The following SMAD1 variants were observed in gnomAD, a reference collection of about 807,000 sequenced individuals.
SMAD1 encodes MAD, mothers against decapentaplegic homolog 1.
SMAD1 carries 6 observed loss-of-function variants against 41.6 expected under a neutral mutation model. The ratio of observed to expected loss-of-function variants is 0.14; its 90% confidence interval spans 0.08 to 0.28. SMAD1 has a LOEUF of 0.28. Among genes scored for constraint, SMAD1 ranks in the 10% least tolerant of loss-of-function variants. SMAD1 has a pLI of 1.00. For synonymous variants in SMAD1, 206 were observed against 203.2 expected, an observed-to-expected ratio of 1.01 and a Z score of -0.12; for missense variants, 379 against 582.6, an observed-to-expected ratio of 0.65 and a Z score of 3.60.
Position 145,482,305 on chromosome 4 carries a change from G to C in SMAD1, c.-177+267G>C, listed in dbSNP as rs1482819697. On this transcript the variant is annotated intron_variant, in intron 1 of 6. Transcript: ENST00000302085. This position sits in a 1 kb window ranked among gnomAD's most constrained non-coding sequence, Gnocchi z 4.2. ...CGTCTTCTCGCGCCCAGCCCGCCGG[G>C]CTCCCCTGGTGTCTTTGTTGGGTCT... Among the ~76,000 whole-genome samples, 1 of 151,638 alleles carries C rather than the reference G, an allele frequency of 6.6e-6. No individual in the cohort carries two copies. The highest frequency in any genetic ancestry group is 1.5e-5 in the Non-Finnish European group (1 of 67,850).
At chr4:145,502,686 T>C (rs1465782244) in intron 1 of SMAD1, among the ~76,000 whole-genome samples, 1 of 152,242 alleles carries the variant, frequency 6.6e-6, no homozygotes, top group African/African-American at 2.4e-5. Flanking sequence ...ACTACAGTTA[T>C]ATCCTTAGAG....
intron 6 of SMAD1, among the ~76,000 whole-genome samples, chr4:145,555,222 A>G (rs972005255): frequency 3.3e-5 from 5 of 152,218 alleles, no homozygotes; most frequent in Admixed American, 1.3e-4. Flanking sequence ...ATATGGGACT[A>G]CAAAGAACTA....
At chr4:145,543,487 G>A (rs969222536) in intron 4 of SMAD1, among the ~76,000 whole-genome samples, 2 of 152,140 alleles carry the variant, frequency 1.3e-5, no homozygotes, top group African/African-American at 4.8e-5. Flanking sequence ...AGAATTTCTT[G>A]CTATTTGTTT....
intron 2 of SMAD1, among the ~76,000 whole-genome samples, chr4:145,515,438 A>G (rs548580022): frequency 2.0e-5 from 3 of 152,186 alleles, no homozygotes; most frequent in African/African-American, 2.4e-5. Context: ...ATTGCTGTCT[A>G]TATGCTTAAG....
At chr4:145,488,404 T>G (rs751227748) in intron 1 of SMAD1, among the ~76,000 whole-genome samples, 13 of 152,096 alleles carry the variant, frequency 8.5e-5, no homozygotes, top group Non-Finnish European at 1.8e-4. Context: ...CTGTGGATAT[T>G]TTGCTCTACA....
intron 6 of SMAD1, 85 bp downstream of exon 6, chr4:145,554,125 A>G (rs1367870510): frequency 1.9e-5 from 23 of 1,198,772 alleles, no homozygotes; most frequent in Admixed American, 1.2e-4. Context: ...ATATGAATCT[A>G]TATCCTCTTG....
intron 5 of SMAD1, among the ~76,000 whole-genome samples, chr4:145,551,609 G>A (rs1379482471): frequency 6.6e-6 from 1 of 152,106 alleles, no homozygotes; most frequent in African/African-American, 2.4e-5. Context: ...AGATAAATAG[G>A]TAAGAAATGT....
At chr4:145,545,083 G>T (rs1376525437) in intron 4 of SMAD1, 1 of 150,864 alleles carries the variant, frequency 6.6e-6, no homozygotes, top group African/African-American at 2.4e-5. Flanking sequence ...TTAACCTTTG[G>T]TGATTTTCCT....
Position 145,514,726 on chromosome 4 carries a change from T to C in SMAD1, c.113T>C (p.Val38Ala). The C allele has an allele frequency of 6.2e-7, 1 of 1,613,858 alleles. No homozygotes were observed. Among genetic ancestry groups the C allele is most frequent in the Non-Finnish European group, 8.5e-7 (1 of 1,179,972 alleles). The stretch of plus-strand genomic sequence containing the variant: ...GCAGAGAAAGCTGTTGATGCTTTGG[T>C]GAAAAAACTGAAGAAAAAGAAAGGT... ...KWAEKAVDALVKKLKKKKGAM... is the reference protein window; with the variant it reads ...KWAEKAVDALAKKLKKKKGAM... The change falls in exon 2 of 7, where the codon GTG becomes GCG. Residue 38 changes from valine (V) to alanine (A), a missense_variant. By Grantham distance (64) the Val-to-Ala change is moderately conservative. Transcript: ENST00000302085. The surrounding 1 kb of genome is among the most constrained non-coding windows in gnomAD (Gnocchi z 4.7).
intron 2 of SMAD1, among the ~76,000 whole-genome samples, chr4:145,535,329 A>G (rs1454842623): frequency 6.6e-6 from 1 of 152,244 alleles, no homozygotes; most frequent in African/African-American, 2.4e-5. Context: ...GCATTTCCAC[A>G]TCTAGGAATT....
chr4:145,550,522 T>A (rs532516756), intron 5 of SMAD1, among the ~76,000 whole-genome samples: 331 of 152,144 alleles, frequency 2.2e-3, no homozygotes, highest in Non-Finnish European at 3.5e-3. Flanking sequence ...TGAAATAAAT[T>A]AATTAATTAA....
intron 1 of SMAD1, among the ~76,000 whole-genome samples, chr4:145,513,792 A>T (rs926316967): frequency 3.3e-5 from 5 of 152,214 alleles, no homozygotes; most frequent in Admixed American, 1.3e-4. Flanking sequence ...CTAAAATATT[A>T]CAATATCTTT....
At chr4:145,529,761 C>T (rs1731223601) in intron 2 of SMAD1, among the ~76,000 whole-genome samples, 1 of 152,156 alleles carries the variant, frequency 6.6e-6, no homozygotes. Context: ...AATTGAAGTT[C>T]AAGTTCCACA....
intron 1 of SMAD1, among the ~76,000 whole-genome samples, chr4:145,487,485 G>A (rs182479786): frequency 1.3e-5 from 2 of 152,236 alleles, no homozygotes; most frequent in African/African-American, 2.4e-5. Context: ...ATAGGGGCAT[G>A]TCCTCTTTGC....
chr4:145,539,588 A>G (rs1578811276), intron 2 of SMAD1, among the ~76,000 whole-genome samples: 1 of 152,302 alleles, frequency 6.6e-6, no homozygotes, highest in South Asian at 2.1e-4. Context: ...AATCTCAGGC[A>G]TATGTCATCA....
intron 3 of SMAD1, among the ~76,000 whole-genome samples, chr4:145,541,888 A>C (rs1265726169): frequency 1.3e-5 from 2 of 152,208 alleles, no homozygotes; most frequent in African/African-American, 4.8e-5. Context: ...AGAAAATGCA[A>C]GACTTGTGTT....
intron 5 of SMAD1, among the ~76,000 whole-genome samples, chr4:145,551,584 A>G (rs1732559193): frequency 6.6e-6 from 1 of 152,210 alleles, no homozygotes; most frequent in Non-Finnish European, 1.5e-5. Flanking sequence ...AAATAAAACA[A>G]ATAGGACCCC....
chr4:145,536,793 A>T (rs1457010619), intron 2 of SMAD1, among the ~76,000 whole-genome samples: 1 of 152,208 alleles, frequency 6.6e-6, no homozygotes. Context: ...TTACAAAAGG[A>T]AAGATAGAGA....
chr4:145,481,118 T>G (rs982453592), upstream of SMAD1: 1 of 151,320 alleles, frequency 6.6e-6, no homozygotes, highest in Admixed American at 6.6e-5. Flanking sequence ...TGCGGGGGAG[T>G]TGGCATCATC....
Sources: allele counts gnomAD v4.1 joint callset (sites outside exome capture counted in the v4.1 genomes callset), GRCh38; gene constraint gnomAD v4.1.1; non-coding constraint Gnocchi (gnomAD v3.1); transcripts MANE v1.5; gene names NCBI Gene and HGNC (gene_info 2026-07-23, HGNC 2026-07-21).